The following PRDM16 variants were observed in gnomAD, a reference collection of about 807,000 sequenced individuals.
PRDM16 encodes the protein histone-lysine N-methyltransferase PRDM16.
In PRDM16, 23 loss-of-function variants were observed where a neutral mutation model predicts 110.6. The ratio of observed to expected loss-of-function variants is 0.21; its 90% CI spans 0.15 to 0.29. The LOEUF is 0.29. Among genes scored for constraint, PRDM16 ranks in the 10% least tolerant of loss-of-function variants. The pLI is 1.00. For missense variants in PRDM16, 1,615 were observed against 1,794.3 expected (o/e 0.90, Z 1.81); for synonymous variants, 799 against 781.8 (o/e 1.02, Z -0.37).
At chr1:3,369,521 C>A (rs61076075) in intron 3 of PRDM16, among the ~76,000 whole-genome samples, 1 of 152,240 alleles carries the variant, frequency 6.6e-6, no homozygotes, top group African/African-American at 2.4e-5. Flanking sequence ...ATCCGCTGGG[C>A]AGCTGGGTAT....
chr1:3,393,994 C>A (rs1225866937), intron 4 of PRDM16, among the ~76,000 whole-genome samples: 2 of 152,136 alleles, frequency 1.3e-5, no homozygotes, highest in African/African-American at 2.4e-5. Flanking sequence ...GCGCGCTAGA[C>A]CCTCCCGCGG....
At chr1:3,163,593 C>T (rs1643917792) in intron 1 of PRDM16, among the ~76,000 whole-genome samples, 1 of 152,202 alleles carries the variant, frequency 6.6e-6, no homozygotes, top group South Asian at 2.1e-4. Context: ...CTTCTCCTCC[C>T]ACGGTCCTCA....
chr1:3,408,831 CGT>C lies in PRDM16; in HGVS notation c.1187-2548_1187-2547del, dbSNP rs545544016. 2.0e-3 allele frequency among the ~76,000 whole-genome samples: 239 copies of C among 121,320 alleles called. 2 individuals are homozygous for C. The highest frequency in any genetic ancestry group is 7.9e-3 in the African/African-American group (222 of 28,116). 79.6% of individuals were successfully genotyped at this position (121,320 alleles called of 152,430 possible). On this transcript the variant is annotated intron_variant, in intron 8 of 16. Transcript: ENST00000270722. ...GCGCGTGTGGGCGCGTGAGCTGGTG[CGT>C]GTGTTGGAGGATGTGAGAGCACGAG...
At chr1:3,311,975 C>T (rs1473410748) in intron 3 of PRDM16, among the ~76,000 whole-genome samples, 2 of 152,180 alleles carry the variant, frequency 1.3e-5, no homozygotes, top group East Asian at 1.9e-4. Flanking sequence ...AGCATCCAGC[C>T]AGGTGCTCAG....
At chr1:3,184,041 G>A (rs1644240687) in intron 1 of PRDM16, among the ~76,000 whole-genome samples, 15 of 152,154 alleles carry the variant, frequency 9.9e-5, no homozygotes, top group Admixed American at 9.8e-4. Context: ...CAGCGGGGCG[G>A]GGGTTATGGG....
chr1:3,263,807 A>G (rs2455108), intron 3 of PRDM16, among the ~76,000 whole-genome samples: 33,504 of 152,182 alleles, frequency 0.22, 4,618 homozygotes, highest in African/African-American at 0.35. Flanking sequence ...TTTGCCACCC[A>G]TTAGAAAAGC....
intron 14 of PRDM16, 31 bp downstream of exon 14, chr1:3,426,256 CTG>C (rs767317302): frequency 6.2e-7 from 1 of 1,600,370 alleles, no homozygotes; most frequent in Non-Finnish European, 8.5e-7. Context: ...TGGGGAAAGT[CTG>C]GACCCGGCCA....
At chr1:3,097,900 C>T (rs111499807) in intron 1 of PRDM16, among the ~76,000 whole-genome samples, 1,682 of 152,224 alleles carry the variant, frequency 0.011, 33 homozygotes, top group African/African-American at 0.039. Context: ...AGGAAAGACC[C>T]AGGAGGCAGA....
chr1:3,426,738 T>C (rs1167811976), intron 14 of PRDM16, among the ~76,000 whole-genome samples: 1 of 152,154 alleles, frequency 6.6e-6, no homozygotes. Context: ...TACATGTGTA[T>C]ACATATGCCA....
At position 3,244,232 on chromosome 1, in the gene PRDM16, C is replaced by A; in HGVS notation, c.438+95C>A. 1 of 1,161,318 alleles carries A rather than the reference C, an allele frequency of 8.6e-7. No homozygotes were observed. The highest frequency in any genetic ancestry group is 1.3e-6 in the Non-Finnish European group (1 of 780,688). 71.9% of individuals were successfully genotyped at this position (1,161,318 alleles called of 1,614,324 possible). A position where few individuals can be genotyped will look rare whatever the true frequency, so the allele number is the denominator to read the frequency against. ...TCCCAGCTGTCCCTGAGCTAACAAG[C>A]GTGTAGTCGGAATGTTGCTGGCAGG... On this transcript the variant is annotated intron_variant, in intron 3 of 16. Coordinates refer to ENST00000270722, the MANE Select transcript of PRDM16 (RefSeq NM_022114.4). The surrounding 1 kb of genome is among the most constrained non-coding windows in gnomAD (Gnocchi z 4.1).
At chr1:3,231,508 G>A (rs965105851) in intron 2 of PRDM16, among the ~76,000 whole-genome samples, 1 of 127,528 alleles carries the variant, frequency 7.8e-6, no homozygotes, top group Non-Finnish European at 1.6e-5. Context: ...CCCAGGGGAT[G>A]CGGGGGTCGA....
intron 3 of PRDM16, among the ~76,000 whole-genome samples, chr1:3,329,969 AAGG>A (rs1276925988): frequency 7.9e-5 from 12 of 152,236 alleles, no homozygotes; most frequent in Non-Finnish European, 4.4e-5. Context: ...TTGTCTCTGG[AAGG>A]AGGCTTGGAG....
intron 3 of PRDM16, among the ~76,000 whole-genome samples, chr1:3,323,245 C>T (rs974079837): frequency 1.3e-5 from 2 of 152,184 alleles, no homozygotes; most frequent in Admixed American, 6.5e-5. Flanking sequence ...GGGGCAGCCA[C>T]GAGGTGGGGC....
At chr1:3,308,784 C>T (rs1402161451) in intron 3 of PRDM16, 1 of 152,254 alleles carries the variant, frequency 6.6e-6, no homozygotes, top group Non-Finnish European at 1.5e-5. Flanking sequence ...GCTGCTTTGC[C>T]TTCCAGTGTT....
chr1:3,405,406 G>A (rs1643544692), intron 7 of PRDM16, 89 bp from the exon 8 acceptor site: 12 of 1,388,288 alleles, frequency 8.6e-6, no homozygotes, highest in Middle Eastern at 2.6e-4. Context: ...GCAGGGCCCT[G>A]CCCCCCACAG....
At chr1:3,077,637 A>C (rs1428425603) in intron 1 of PRDM16, among the ~76,000 whole-genome samples, 1 of 152,188 alleles carries the variant, frequency 6.6e-6, no homozygotes, top group Non-Finnish European at 1.5e-5. Flanking sequence ...CCAGGCAGTC[A>C]GATGGGGAGT....
Position 3,412,897 on chromosome 1 carries a change from C to G in PRDM16, c.2603+97C>G, listed in dbSNP as rs1569734427. The G allele has an allele frequency of 6.7e-6, 7 of 1,048,732 alleles. No homozygotes were observed. The East Asian group carries it at 2.1e-4, about 32-fold the overall frequency. The allele number at this position is 1,048,732 out of a possible 1,614,324, so 65.0% of individuals were successfully genotyped here. The stretch of plus-strand genomic sequence containing the variant: ...TGGTGGTGTCTCTTTCAAGCTCCTC[C>G]AAGGTCGTCCCCCGGCCTTTGCTGA... On this transcript the variant is annotated intron_variant, in intron 9 of 16. Coordinates refer to ENST00000270722, the MANE Select transcript of PRDM16 (RefSeq NM_022114.4).
intron 2 of PRDM16, among the ~76,000 whole-genome samples, chr1:3,199,063 A>C (rs1455747040): frequency 6.6e-6 from 1 of 152,088 alleles, no homozygotes; most frequent in Non-Finnish European, 1.5e-5. Context: ...TTCCCTCTAG[A>C]CTAATTTATC....
At chr1:3,408,108 G>A (rs780006637) in intron 8 of PRDM16, among the ~76,000 whole-genome samples, 10 of 152,222 alleles carry the variant, frequency 6.6e-5, no homozygotes, top group South Asian at 2.1e-4. Context: ...TCCAAATGGC[G>A]TGGCCCTTTC....
Sources: gnomAD v4.1 joint callset for allele counts (sites outside exome capture counted in the v4.1 genomes callset) on GRCh38, gnomAD v4.1.1 for gene constraint, Gnocchi (gnomAD v3.1) non-coding constraint, MANE v1.5 for transcripts, NCBI Gene and HGNC (gene_info 2026-07-23, HGNC 2026-07-21) for gene names.